BCL11A: variants seen among roughly 807,000 people sequenced by gnomAD.
The protein encoded by BCL11A is BCL11 transcription factor A.
In BCL11A, 2 loss-of-function variants were observed where a neutral mutation model predicts 55.9. The ratio of observed to expected loss-of-function variants is 0.04; its 90% CI spans 0.01 to 0.11. The LOEUF (loss-of-function observed/expected upper bound fraction) is 0.11, where lower values mean the gene tolerates loss of function less well. BCL11A is among the 10% of genes least tolerant of loss of function. BCL11A has a pLI of 1.00. For missense variants in BCL11A, 817 were observed against 1,137.1 expected (o/e 0.72, Z 4.05); for synonymous variants, 465 against 473.4 (o/e 0.98, Z 0.23).
chr2:60,497,659 C>T (rs144613471), intron 2 of BCL11A, among the ~76,000 whole-genome samples: 15 of 152,046 alleles, frequency 9.9e-5, no homozygotes, highest in African/African-American at 3.6e-4. Context: ...CACTGGATGG[C>T]ACTTTGCACC....
In BCL11A at chr2:60,459,898, T is replaced by C. The variant is rs1457275376; in HGVS notation, c.*506A>G. ...TCACGTTATAAAATAAAACTGTACA[T>C]GATATGTATTACAGAATGTATGCAG... On this transcript the variant is annotated 3_prime_UTR_variant, in exon 4 of 4. Coordinates refer to ENST00000642384, the MANE Select transcript of BCL11A (RefSeq NM_022893.4). 2 of 1,053,430 alleles carry C rather than the reference T, an allele frequency of 1.9e-6. No homozygotes were observed. The highest frequency in any genetic ancestry group is 2.3e-6 in the Non-Finnish European group (2 of 871,698). The allele number at this position is 1,053,430 out of a possible 1,614,324, so 65.3% of individuals were successfully genotyped here.
At chr2:60,536,501 T>G (rs1191515924) in intron 2 of BCL11A, 2 of 152,176 alleles carry the variant, frequency 1.3e-5, no homozygotes, top group Admixed American at 6.5e-5. Context: ...CGTTTGACAC[T>G]AATGTTACTC....
intron 2 of BCL11A, among the ~76,000 whole-genome samples, chr2:60,478,726 G>A (rs932953791): frequency 5.3e-5 from 8 of 152,344 alleles, no homozygotes; most frequent in Admixed American, 1.3e-4. Flanking sequence ...CTGCCCTCTC[G>A]CCTGAGGTGA....
At chr2:60,529,235 TAGTAATG>T (rs1421018203) in intron 2 of BCL11A, among the ~76,000 whole-genome samples, 1 of 152,156 alleles carries the variant, frequency 6.6e-6, no homozygotes, top group Non-Finnish European at 1.5e-5. Context: ...ATAACCGTAA[TAGTAATG>T]AGCTTTTGTG....
At chr2:60,485,458 T>C (rs1203931960) in intron 2 of BCL11A, among the ~76,000 whole-genome samples, 2 of 152,260 alleles carry the variant, frequency 1.3e-5, no homozygotes, top group Admixed American at 6.5e-5. Flanking sequence ...GCCTTTAAGC[T>C]AACTGCAAAA....
chr2:60,458,906 T>C lies in BCL11A; in HGVS notation c.*1498A>G. ...TAAAAACAATGAATCCTCTTCCATG[T>C]TAACACAAATAGCACACAGTGTATG... On this transcript the variant is annotated 3_prime_UTR_variant, in exon 4 of 4. Coordinates refer to ENST00000642384, the MANE Select transcript of BCL11A (RefSeq NM_022893.4). 9.7e-7 allele frequency: 1 copy of C among 1,033,554 alleles called. No individual in the cohort carries two copies. Among genetic ancestry groups the C allele is most frequent in the Non-Finnish European group, 1.2e-6 (1 of 858,464 alleles). 64.0% of individuals were successfully genotyped at this position (1,033,554 alleles called of 1,614,324 possible). A position where few individuals can be genotyped will look rare whatever the true frequency, so the allele number is the denominator to read the frequency against.
At chr2:60,547,953 A>G (rs1293379644) in intron 1 of BCL11A, among the ~76,000 whole-genome samples, 2 of 152,262 alleles carry the variant, frequency 1.3e-5, no homozygotes, top group Non-Finnish European at 2.9e-5. Context: ...TCCTACTAAT[A>G]AAGACAGTAA....
At chr2:60,457,125 T>G (rs1675977630), downstream of BCL11A, 1 of 528,142 alleles carries the variant, frequency 1.9e-6, no homozygotes, top group African/African-American at 2.1e-5. Context: ...GGCCTTCTCT[T>G]AAAACCTGTT....
chr2:60,473,901 T>C (rs1421062676), intron 2 of BCL11A, among the ~76,000 whole-genome samples: 2 of 152,214 alleles, frequency 1.3e-5, no homozygotes. Flanking sequence ...TTCATTGCTT[T>C]TTTACTGGCT....
intron 2 of BCL11A, among the ~76,000 whole-genome samples, chr2:60,476,379 G>T (rs1677600742): frequency 1.3e-5 from 2 of 152,260 alleles, no homozygotes; most frequent in Admixed American, 1.3e-4. Flanking sequence ...AAGGGAAAAG[G>T]TCTCAGTGGC....
chr2:60,488,146 C>T (rs1451793913), intron 2 of BCL11A, among the ~76,000 whole-genome samples: 6 of 152,196 alleles, frequency 3.9e-5, no homozygotes, highest in South Asian at 2.1e-4. Flanking sequence ...GTTTGTCTCA[C>T]GGGCTGTTCA....
At chr2:60,485,268 G>A (rs1403658722) in intron 2 of BCL11A, among the ~76,000 whole-genome samples, 2 of 152,216 alleles carry the variant, frequency 1.3e-5, no homozygotes, top group East Asian at 3.9e-4. Flanking sequence ...GGGGTGAGAG[G>A]CCATAGCCCA....
At chr2:60,485,167 T>C (rs993174087) in intron 2 of BCL11A, among the ~76,000 whole-genome samples, 4 of 152,224 alleles carry the variant, frequency 2.6e-5, no homozygotes, top group East Asian at 1.9e-4. Context: ...CCCTTCTTCC[T>C]TGAAGTCACT....
chr2:60,452,946 G>A (rs1330613134), downstream of BCL11A: 2 of 323,854 alleles, frequency 6.2e-6, no homozygotes, highest in South Asian at 4.5e-5. Context: ...TAATAAACTC[G>A]GGACACACCT....
chr2:60,509,164 G>C (rs1307868009), intron 2 of BCL11A, among the ~76,000 whole-genome samples: 2 of 152,208 alleles, frequency 1.3e-5, no homozygotes, highest in Non-Finnish European at 2.9e-5. Context: ...TCAGGCCCTT[G>C]CAAATTACCC....
chr2:60,462,172 A>G lies in BCL11A; in HGVS notation c.740T>C (p.Val247Ala). 2 of 1,586,256 alleles carry G rather than the reference A, an allele frequency of 1.3e-6. No homozygotes were observed. The highest frequency in any genetic ancestry group is 1.7e-6 in the Non-Finnish European group (2 of 1,166,564). Residue 247 changes from valine to alanine, a missense_variant, in exon 4 of 4, where the codon GTA becomes GCA. By Grantham distance (64) the Val-to-Ala change is moderately conservative (BLOSUM62 0). Coordinates refer to ENST00000642384, the MANE Select transcript of BCL11A (RefSeq NM_022893.4). ...PFNLLRIPGSVSREASGLAEG... is the reference protein window; with the variant it reads ...PFNLLRIPGSASREASGLAEG... ...TGCCAGGCCGGAAGCCTCTCTCGAT[A>G]CTGATCCTGGTATTCTTAGCAGGTT...
At chr2:60,493,506 A>G (rs1319898898) in intron 2 of BCL11A, among the ~76,000 whole-genome samples, 5 of 152,168 alleles carry the variant, frequency 3.3e-5, no homozygotes, top group African/African-American at 1.2e-4. Context: ...TATTCCGAAT[A>G]GAAACCTCTC....
Position 60,462,380 on chromosome 2 carries a change from G to C in BCL11A, c.532C>G (p.Pro178Ala). The stretch of plus-strand genomic sequence containing the variant: ...AAGAGAAACCATGCACTGGTGAATG[G>C]CTGTTTGCAAGTTGTACATGTGTAG... ...SSYTCTTCKQ[P>A]FTSAWFLLQH... The change falls in exon 4 of 4, where the codon CCA becomes GCA. Residue 178 changes from proline (P) to alanine (A), a missense_variant. Pro to Ala is a conservative substitution (Grantham distance 27). Transcript: ENST00000642384. 1 of 1,612,536 alleles carries C rather than the reference G, an allele frequency of 6.2e-7. No homozygotes were observed. Among genetic ancestry groups the C allele is most frequent in the Non-Finnish European group, 8.5e-7 (1 of 1,179,244 alleles).
chr2:60,546,345 G>C lies in BCL11A; in HGVS notation c.56-45C>G. On this transcript the variant is annotated intron_variant, in intron 1 of 3. Coordinates refer to ENST00000642384, the MANE Select transcript of BCL11A (RefSeq NM_022893.4). This position sits in a 1 kb window ranked among gnomAD's most constrained non-coding sequence, Gnocchi z 4.1. ...AGCACAATTATTAGAGTGCCAGAGA[G>C]GACAGAAAGGGGAGAAGCACATCTC... The C allele has an allele frequency of 1.3e-6, 2 of 1,533,742 alleles. No individual in the cohort carries two copies. Among genetic ancestry groups the C allele is most frequent in the Non-Finnish European group, 1.8e-6 (2 of 1,118,672 alleles).
Sources: allele counts gnomAD v4.1 joint callset (sites outside exome capture counted in the v4.1 genomes callset), GRCh38; gene constraint gnomAD v4.1.1; non-coding constraint Gnocchi (gnomAD v3.1); transcripts MANE v1.5; gene names NCBI Gene and HGNC (gene_info 2026-07-23, HGNC 2026-07-21).